Variants in OPCML observed in about 807,000 individuals in gnomAD.
OPCML encodes opioid binding protein/cell adhesion molecule like.
OPCML carries 13 observed loss-of-function variants against 37.8 expected under a neutral mutation model. The ratio of observed to expected loss-of-function variants is 0.34; its 90% CI spans 0.22 to 0.55. The LOEUF (loss-of-function observed/expected upper bound fraction) is 0.55, where lower values mean the gene tolerates loss of function less well. OPCML is among the 20% of genes least tolerant of loss of function. The pLI, the probability that OPCML is intolerant of heterozygous loss-of-function variation, is 0.91. For missense variants in OPCML, 341 were observed against 435.6 expected, an observed-to-expected ratio of 0.78 and a Z score of 1.93; for synonymous variants, 176 against 168.8, an observed-to-expected ratio of 1.04 and a Z score of -0.33.
rs145667834 is a variant in OPCML at position 133,257,453 on chromosome 11, C to T, written c.61+274811G>A. ...AATAGGAATCACGCTGCATTACGATCGGTTGTTTCTGTACCTGTATCACAA... is the reference window on the plus strand; with the variant it reads ...AATAGGAATCACGCTGCATTACGATTGGTTGTTTCTGTACCTGTATCACAA... On this transcript the variant is annotated intron_variant, in intron 1 of 7. Coordinates refer to ENST00000524381, the MANE Select transcript of OPCML (RefSeq NM_001012393.5). Among the ~76,000 whole-genome samples the T allele has an allele frequency of 2.7e-4, 41 of 152,334 alleles. No individual in the cohort carries two copies. The East Asian group carries it at 7.5e-3, about 28-fold the overall frequency.
At chr11:133,501,157 C>T (rs1343835724) in intron 1 of OPCML, among the ~76,000 whole-genome samples, 1 of 152,170 alleles carries the variant, frequency 6.6e-6, no homozygotes, top group Non-Finnish European at 1.5e-5. Flanking sequence ...TAAGGGATCA[C>T]CGCAAACAGA....
At chr11:133,480,714 T>C (rs894551876) in intron 1 of OPCML, among the ~76,000 whole-genome samples, 3 of 152,256 alleles carry the variant, frequency 2.0e-5, no homozygotes, top group Admixed American at 6.5e-5. Flanking sequence ...GCTAACTGTC[T>C]TGTATTATTA....
chr11:133,241,935 G>A (rs978612433), intron 1 of OPCML, among the ~76,000 whole-genome samples: 3 of 152,124 alleles, frequency 2.0e-5, no homozygotes, highest in African/African-American at 7.2e-5. Context: ...CCTTCAGAAG[G>A]TCCTTCCCTG....
intron 1 of OPCML, among the ~76,000 whole-genome samples, chr11:133,529,635 A>C (rs1034664505): frequency 6.6e-6 from 1 of 152,258 alleles, no homozygotes; most frequent in African/African-American, 2.4e-5. Flanking sequence ...TTACCAAGAA[A>C]TAGAAGCTGC....
At chr11:132,994,773 C>T (rs1946851340) in intron 1 of OPCML, among the ~76,000 whole-genome samples, 1 of 152,200 alleles carries the variant, frequency 6.6e-6, no homozygotes, top group African/African-American at 2.4e-5. Context: ...CCCTCAAGAT[C>T]CTCACATTCT....
intron 1 of OPCML, among the ~76,000 whole-genome samples, chr11:133,143,098 A>C (rs1949848984): frequency 6.6e-6 from 1 of 152,096 alleles, no homozygotes; most frequent in Admixed American, 6.5e-5. Context: ...GATGAGTCAG[A>C]CTCCAGAGTG....
intron 4 of OPCML, among the ~76,000 whole-genome samples, chr11:132,513,510 A>G (rs2096273395): frequency 1.3e-5 from 2 of 152,320 alleles, no homozygotes; most frequent in South Asian, 4.1e-4. Flanking sequence ...AAATGAGTTC[A>G]ACTTTATTTG....
intron 1 of OPCML, among the ~76,000 whole-genome samples, chr11:133,043,373 C>T (rs1412799109): frequency 1.3e-5 from 2 of 152,194 alleles, no homozygotes; most frequent in Admixed American, 1.3e-4. Flanking sequence ...ATTACCTCCG[C>T]CTTTGAGGAT....
chr11:132,829,592 A>G (rs1003339284), intron 2 of OPCML, among the ~76,000 whole-genome samples: 3 of 152,222 alleles, frequency 2.0e-5, no homozygotes, highest in Non-Finnish European at 4.4e-5. Flanking sequence ...ACCTAAGGGC[A>G]AAAGATCATG....
At chr11:133,299,670 A>G (rs1278119549) in intron 1 of OPCML, 2 of 152,220 alleles carry the variant, frequency 1.3e-5, no homozygotes, top group African/African-American at 4.8e-5. Context: ...GAATATCTCC[A>G]GACAGAACAT....
In OPCML at chr11:132,667,344, A is replaced by T. The variant is rs533199704; in HGVS notation, c.147-10025T>A. Among the ~76,000 whole-genome samples the T allele has an allele frequency of 3.9e-5, 6 of 152,246 alleles. No individual in the cohort carries two copies. The South Asian group carries it at 1.2e-3, about 32-fold the overall frequency. ...CTTAATTCACTAAATCCGAGTGGGG[A>T]CCATGGTCTGCATTTCCAACAAGCC... On this transcript the variant is annotated intron_variant, in intron 2 of 7. Transcript: ENST00000524381.
intron 3 of OPCML, among the ~76,000 whole-genome samples, chr11:132,571,663 A>C (rs2096438851): frequency 6.6e-6 from 1 of 152,126 alleles, no homozygotes; most frequent in Admixed American, 6.5e-5. Flanking sequence ...GTCTTTAGCC[A>C]CTCATCCATC....
intron 2 of OPCML, among the ~76,000 whole-genome samples, chr11:132,678,480 T>C (rs1163919480): frequency 6.6e-6 from 1 of 152,176 alleles, no homozygotes. Context: ...ACTACCTAAA[T>C]TAGGAAGCAA....
chr11:132,436,030 T>C, intron 7 of OPCML, 56 bp downstream of exon 7: 1 of 1,574,494 alleles, frequency 6.4e-7, no homozygotes, highest in South Asian at 1.2e-5. Flanking sequence ...CCCTCCTGAG[T>C]CCCTCAAGCT....
At chr11:132,906,646 A>T (rs1944251801) in intron 2 of OPCML, among the ~76,000 whole-genome samples, 1 of 152,232 alleles carries the variant, frequency 6.6e-6, no homozygotes, top group Non-Finnish European at 1.5e-5. Flanking sequence ...ATACCATTGA[A>T]AATGTCAGCG....
chr11:132,431,703 A>C (rs953686565), intron 7 of OPCML, among the ~76,000 whole-genome samples: 9 of 152,200 alleles, frequency 5.9e-5, no homozygotes, highest in African/African-American at 1.9e-4. Flanking sequence ...AAAATTGCTT[A>C]TATCCCATTT....
chr11:133,196,128 T>C (rs1275290109), intron 1 of OPCML, among the ~76,000 whole-genome samples: 2 of 152,154 alleles, frequency 1.3e-5, no homozygotes, highest in Non-Finnish European at 2.9e-5. Context: ...ATAGGATCAG[T>C]GAAAATAAAT....
chr11:133,502,694 G>A (rs1261798356), intron 1 of OPCML, among the ~76,000 whole-genome samples: 1 of 152,226 alleles, frequency 6.6e-6, no homozygotes, highest in Non-Finnish European at 1.5e-5. Flanking sequence ...TTCAGTCCAA[G>A]TCCTCAGGTA....
intron 1 of OPCML, among the ~76,000 whole-genome samples, chr11:132,959,677 G>T (rs1946051447): frequency 2.0e-5 from 3 of 148,888 alleles, no homozygotes; most frequent in African/African-American, 7.4e-5. Flanking sequence ...ATTGACTTCG[G>T]GAAAATATCA....
Sources: allele counts gnomAD v4.1 joint callset (sites outside exome capture counted in the v4.1 genomes callset), GRCh38; gene constraint gnomAD v4.1.1; transcripts MANE v1.5; gene names NCBI Gene and HGNC (gene_info 2026-07-23, HGNC 2026-07-21).